The following BARD1 variants were observed in gnomAD, a reference collection of about 807,000 sequenced individuals.
BARD1 encodes BRCA1 associated RING domain 1.
BARD1 carries 73 observed loss-of-function variants against 77.0 expected under a neutral mutation model. The ratio of observed to expected loss-of-function variants is 0.95; its 90% CI spans 0.79 to 1.15. BARD1 has a LOEUF of 1.15. Ranked by LOEUF, BARD1 falls within the 50% of genes most tolerant of loss-of-function variation. The pLI, the probability that BARD1 is intolerant of heterozygous loss-of-function variation, is 0.00. For synonymous variants in BARD1, 384 were observed against 338.0 expected, an observed-to-expected ratio of 1.14 and a Z score of -1.49; for missense variants, 993 against 938.8, an observed-to-expected ratio of 1.06 and a Z score of -0.75.
At chr2:214,790,392 C>T (rs898486069) in intron 3 of BARD1, among the ~76,000 whole-genome samples, 7 of 152,070 alleles carry the variant, frequency 4.6e-5, no homozygotes, top group Non-Finnish European at 7.4e-5. Flanking sequence ...GGACTCCCAA[C>T]GCAATATGAC....
chr2:214,731,834 A>G (rs758076937), intron 9 of BARD1, among the ~76,000 whole-genome samples: 2 of 152,246 alleles, frequency 1.3e-5, no homozygotes, highest in Admixed American at 6.5e-5. Context: ...AGTTGGAACA[A>G]TAACTCAGGT....
rs786203258 is a variant in BARD1, at chr2:214,780,961, T to G, written c.913A>C (p.Lys305Gln). The G allele has an allele frequency of 6.2e-7, 1 of 1,613,624 alleles. No homozygotes were observed. The change falls in exon 4 of 11, where the codon AAA (lysine) becomes CAA (glutamine). Residue 305 changes from lysine (K) to glutamine (Q), a missense_variant. By Grantham distance (53) the Lys-to-Gln change is moderately conservative. Transcript: ENST00000260947. ...GATTTCTTAGATGTAAGATAATTTT[T>G]GCAGACCTTCTCAGGAGTCACTACT... ...NEVVTPEKVC[K>Q]NYLTSKKSLP...
At chr2:214,777,211 T>C (rs113748488) in intron 4 of BARD1, among the ~76,000 whole-genome samples, 3,106 of 152,232 alleles carry the variant, frequency 0.02, 66 homozygotes, top group Non-Finnish European at 0.027. Flanking sequence ...TTGGCACCAA[T>C]AGAAAATTAA....
chr2:214,747,818 G>T lies in BARD1; in HGVS notation c.1678-1964C>A, dbSNP rs191070761. On this transcript the variant is annotated intron_variant, in intron 7 of 10. Transcript: ENST00000260947. ...ACATGTATACATATGTAACAAACCTGCACGTTGTGCACATGTACCCTAAAA... is the reference window on the plus strand; with the variant it reads ...ACATGTATACATATGTAACAAACCTTCACGTTGTGCACATGTACCCTAAAA... Among the ~76,000 whole-genome samples the T allele has an allele frequency of 1.5e-3, 229 of 150,402 alleles. 1 individual carries two copies. Among genetic ancestry groups the T allele is most frequent in the African/African-American group, 5.4e-3 (220 of 40,886 alleles).
intron 7 of BARD1, among the ~76,000 whole-genome samples, chr2:214,746,061 G>A (rs1354440764): frequency 6.6e-6 from 1 of 151,836 alleles, no homozygotes; most frequent in African/African-American, 2.4e-5. Context: ...AATTGTGATA[G>A]CTCTCTATAC....
rs753176677 is a variant in BARD1 at position 214,767,462 on chromosome 2, T to G, written c.1568+20A>C. On this transcript the variant is annotated intron_variant, in intron 6 of 10. Coordinates refer to ENST00000260947, the MANE Select transcript of BARD1 (RefSeq NM_000465.4). ...AATATAGGTCCATTTTAAAAATAAT[T>G]TTTACGTTGAACTACTTACACAGCA... 2.5e-6 allele frequency: 4 copies of G among 1,608,828 alleles called. No individual in the cohort carries two copies. Among genetic ancestry groups the G allele is most frequent in the African/African-American group, 2.7e-5 (2 of 74,806 alleles).
At chr2:214,806,612 G>A (rs1397514256) in intron 1 of BARD1, among the ~76,000 whole-genome samples, 2 of 152,066 alleles carry the variant, frequency 1.3e-5, no homozygotes, top group Admixed American at 1.3e-4. Flanking sequence ...GGTGGCTCAC[G>A]CCTGTAATCC....
intron 4 of BARD1, among the ~76,000 whole-genome samples, chr2:214,772,473 T>C (rs1197681599): frequency 2.0e-5 from 3 of 152,044 alleles, no homozygotes; most frequent in Non-Finnish European, 2.9e-5. Flanking sequence ...TTAAAGAAGC[T>C]TAAAAAATAA....
intron 2 of BARD1, 58 bp from the exon 3 acceptor site, chr2:214,792,503 AAAACT>A: frequency 6.8e-7 from 1 of 1,464,652 alleles, no homozygotes. Flanking sequence ...TTTAATTCCA[AAAACT>A]AAACAGTTTG....
intron 9 of BARD1, chr2:214,731,076 G>A (rs1022060586): frequency 6.9e-6 from 2 of 291,840 alleles, no homozygotes; most frequent in Non-Finnish European, 7.0e-6. Flanking sequence ...GATAGGTTTG[G>A]CATGTGACAG....
At chr2:214,757,778 C>A (rs1367648592) in intron 6 of BARD1, among the ~76,000 whole-genome samples, 1 of 152,056 alleles carries the variant, frequency 6.6e-6, no homozygotes, top group African/African-American at 2.4e-5. Context: ...AGCAGAGAGG[C>A]ACACAGAAAA....
chr2:214,731,545 C>A (rs1489327371), intron 9 of BARD1, among the ~76,000 whole-genome samples: 3 of 152,206 alleles, frequency 2.0e-5, no homozygotes, highest in Admixed American at 1.3e-4. Context: ...GTTCTGGAAG[C>A]TTCCTTGCCT....
In BARD1 at chr2:214,751,149, A is replaced by ACT. The variant is rs1693426845; in HGVS notation, c.1677+1297_1677+1298insAG. 1.6e-4 allele frequency among the ~76,000 whole-genome samples: 3 copies of ACT among 18,478 alleles called. 1 individual carries two copies. Among genetic ancestry groups the ACT allele is most frequent in the East Asian group, 1.5e-3 (1 of 682 alleles). The allele number at this position is 18,478 out of a possible 152,430, so 12.1% of individuals were successfully genotyped here. On this transcript the variant is annotated intron_variant, in intron 7 of 10. Coordinates refer to ENST00000260947, the MANE Select transcript of BARD1 (RefSeq NM_000465.4). ...TATATATATATATATATATATATAT[A>ACT]TATTTTTTTTTTTTTTTTTTTTTTT...
intron 6 of BARD1, among the ~76,000 whole-genome samples, chr2:214,766,691 C>T (rs1000965375): frequency 3.3e-5 from 5 of 152,186 alleles, no homozygotes; most frequent in African/African-American, 2.4e-5. Flanking sequence ...AAACTACACA[C>T]ATCCTCCCGT....
intron 3 of BARD1, among the ~76,000 whole-genome samples, chr2:214,791,087 A>G (rs1383380357): frequency 6.6e-6 from 1 of 152,208 alleles, no homozygotes; most frequent in Non-Finnish European, 1.5e-5. Context: ...ATCATTTTTA[A>G]AAAACGGCAA....
Position 214,767,507 on chromosome 2 carries a change from A to G in BARD1, c.1543T>C (p.Ser515Pro), listed in dbSNP as rs876659146. The change falls in exon 6 of 11, where the codon TCC becomes CCC. Residue 515 changes from serine to proline, a missense_variant. Physicochemically the swap from Ser to Pro is moderately conservative, Grantham distance 74. Transcript: ENST00000260947. ...ACAGCATTTCTGGAGGCTCCATAGG[A>G]AAGTAACAGCTTGACTATATCCACA... Reference protein sequence around the residue: ...GHVDIVKLLLSYGASRNAVNI... With the variant: ...GHVDIVKLLLPYGASRNAVNI... The G allele has an allele frequency of 1.9e-6, 3 of 1,613,778 alleles. No individual in the cohort carries two copies. The highest frequency in any genetic ancestry group is 2.7e-5 in the African/African-American group (2 of 74,908).
In BARD1 at chr2:214,809,453, G is replaced by C. The variant is rs786202271; in HGVS notation, c.117C>G (p.Ala39=). The C allele has an allele frequency of 1.9e-6, 3 of 1,611,454 alleles. No individual in the cohort carries two copies. Among genetic ancestry groups the C allele is most frequent in the African/African-American group, 2.7e-5 (2 of 74,912 alleles). The part of the protein sequence containing the change: ...DGRGAWAHSR[A]ALDRLEKLLR... ...GCAGCTTCTCCAGGCGGTCGAGCGC[G>C]GCGCGACTGTGGGCCCAGGCACCGC... is the stretch of plus-strand genomic sequence containing the variant. Residue 39 remains alanine (A), a synonymous_variant, in exon 1 of 11, where the codon GCC becomes GCG. Coordinates refer to ENST00000260947, the MANE Select transcript of BARD1 (RefSeq NM_000465.4).
chr2:214,740,800 C>T (rs1692787915), intron 9 of BARD1, among the ~76,000 whole-genome samples: 1 of 151,924 alleles, frequency 6.6e-6, no homozygotes, highest in African/African-American at 2.4e-5. Flanking sequence ...AGAACTGGGA[C>T]TATTAGATCA....
chr2:214,762,031 C>T (rs1693989423), intron 6 of BARD1, among the ~76,000 whole-genome samples: 1 of 152,264 alleles, frequency 6.6e-6, no homozygotes, highest in Admixed American at 6.5e-5. Context: ...ATCCAGTTTA[C>T]TAGCAACAAA....
Sources: allele counts gnomAD v4.1 joint callset (sites outside exome capture counted in the v4.1 genomes callset), GRCh38; gene constraint gnomAD v4.1.1; transcripts MANE v1.5; gene names NCBI Gene and HGNC (gene_info 2026-07-23, HGNC 2026-07-21).